PHACTR1: variants seen among roughly 807,000 people sequenced by gnomAD.
PHACTR1 encodes RPEL repeat containing 1.
Under a neutral mutation model 69.2 loss-of-function variants are expected in PHACTR1, and 16 were observed. The ratio of observed to expected loss-of-function variants is 0.23; its 90% CI spans 0.16 to 0.35. The LOEUF (loss-of-function observed/expected upper bound fraction) is 0.35. Ranked by LOEUF, PHACTR1 falls within the 10% of genes least tolerant of loss-of-function variation. PHACTR1 has a pLI of 1.00. For synonymous variants in PHACTR1, 312 were observed against 284.5 expected, an observed-to-expected ratio of 1.10 and a Z score of -0.97; for missense variants, 510 against 734.7, an observed-to-expected ratio of 0.69 and a Z score of 3.54.
intron 10 of PHACTR1, among the ~76,000 whole-genome samples, chr6:13,232,936 G>T (rs1771452380): frequency 6.6e-6 from 1 of 152,202 alleles, no homozygotes; most frequent in Non-Finnish European, 1.5e-5. Context: ...TATGTGAGGG[G>T]CAAATGAAGA....
chr6:12,787,478 A>G (rs1314871022), intron 4 of PHACTR1, among the ~76,000 whole-genome samples: 1 of 152,196 alleles, frequency 6.6e-6, no homozygotes, highest in East Asian at 1.9e-4. Context: ...AGATTGGAAA[A>G]GTTCTGATGT....
chr6:13,255,346 T>G (rs1469950299), intron 10 of PHACTR1, among the ~76,000 whole-genome samples: 1 of 152,208 alleles, frequency 6.6e-6, no homozygotes, highest in Admixed American at 6.5e-5. Flanking sequence ...CACTGGGTAT[T>G]ACAATTGAAC....
chr6:13,241,968 G>A (rs1198668241), intron 10 of PHACTR1, among the ~76,000 whole-genome samples: 1 of 150,674 alleles, frequency 6.6e-6, no homozygotes, highest in Non-Finnish European at 1.5e-5. Flanking sequence ...AGGAGATGGA[G>A]GTTGCAATGA....
chr6:12,755,113 G>A (rs1250905827), intron 4 of PHACTR1, among the ~76,000 whole-genome samples: 1 of 152,154 alleles, frequency 6.6e-6, no homozygotes, highest in African/African-American at 2.4e-5. Flanking sequence ...TCTTTGGTCT[G>A]AGCATCATTA....
At chr6:12,998,609 TG>T in intron 4 of PHACTR1, among the ~76,000 whole-genome samples, 1 of 100,116 alleles carries the variant, frequency 1.0e-5, no homozygotes, top group South Asian at 3.2e-4. Context: ...CAGCAAGACC[TG>T]GTCAAAAAAA....
intron 4 of PHACTR1, among the ~76,000 whole-genome samples, chr6:12,934,449 T>G (rs924976249): frequency 6.6e-6 from 1 of 152,166 alleles, no homozygotes; most frequent in Non-Finnish European, 1.5e-5. Context: ...ACTCCATGGC[T>G]CTGGAGTGAT....
At chr6:12,936,925 T>C (rs867807686) in intron 4 of PHACTR1, among the ~76,000 whole-genome samples, 1 of 152,190 alleles carries the variant, frequency 6.6e-6, no homozygotes, top group African/African-American at 2.4e-5. Context: ...TTTTTTCTCA[T>C]TGACTATTTT....
At chr6:13,113,157 T>C (rs1025589227) in intron 5 of PHACTR1, among the ~76,000 whole-genome samples, 1 of 152,106 alleles carries the variant, frequency 6.6e-6, no homozygotes, top group Non-Finnish European at 1.5e-5. Context: ...GCTATGATCA[T>C]GTCACTGCAC....
rs567870561 is a variant in PHACTR1 at position 13,024,939 on chromosome 6, C to T, written c.251-28426C>T. Among the ~76,000 whole-genome samples, 7 of 152,226 alleles carry T rather than the reference C, an allele frequency of 4.6e-5. No individual in the cohort carries two copies. The East Asian group carries it at 1.4e-3, about 29-fold the overall frequency. ...CCTGAAAAGTGTAGTAGTCATTGGG[C>T]TGCATGCCTAGGTTAATTTTTTTAG... On this transcript the variant is annotated intron_variant, in intron 4 of 14. Transcript: ENST00000332995.
chr6:12,803,887 C>T (rs1324656757), intron 4 of PHACTR1, among the ~76,000 whole-genome samples: 1 of 152,162 alleles, frequency 6.6e-6, no homozygotes, highest in Non-Finnish European at 1.5e-5. Flanking sequence ...CCCTCAACCC[C>T]ACCCCATTTG....
chr6:12,850,950 G>T (rs941338455), intron 4 of PHACTR1, among the ~76,000 whole-genome samples: 2 of 152,104 alleles, frequency 1.3e-5, no homozygotes, highest in African/African-American at 4.8e-5. Context: ...CCAAGGTACG[G>T]GAATTCAGGA....
At chr6:13,009,507 C>A (rs1032556688) in intron 4 of PHACTR1, among the ~76,000 whole-genome samples, 2 of 152,126 alleles carry the variant, frequency 1.3e-5, no homozygotes, top group South Asian at 4.1e-4. Flanking sequence ...TCTACTGTAT[C>A]TTTCTCCGTA....
At chr6:13,279,928 A>G (rs959014059) in intron 12 of PHACTR1, 1 of 63,566 alleles carries the variant, frequency 1.6e-5, no homozygotes, top group Non-Finnish European at 4.4e-5. Context: ...AGGTCTAGAC[A>G]CTTAGAAAAA....
Position 13,230,046 on chromosome 6 carries a change from C to A in PHACTR1, c.1244C>A (p.Ala415Asp). 1 of 1,609,092 alleles carries A rather than the reference C, an allele frequency of 6.2e-7. No homozygotes were observed. Among genetic ancestry groups the A allele is most frequent in the Admixed American group, 1.7e-5 (1 of 59,438 alleles). ...DDSSLYTSSL[A>D]MKVCRKDSLA... is the part of the protein sequence containing the mutation. ...TTTCTGTCTCCTACAGGCTCCCTGGCCATGAAGGTCTGCAGGAAGGACTCC... is the reference window on the plus strand; with the variant it reads ...TTTCTGTCTCCTACAGGCTCCCTGGACATGAAGGTCTGCAGGAAGGACTCC... The change falls in exon 10 of 15, where the codon GCC (alanine) becomes GAC (aspartate). Residue 415 changes from alanine (A) to aspartate (D), a missense_variant. By Grantham distance (126) the Ala-to-Asp change is moderately radical. Around this residue, in one of 2 missense-constraint regions of PHACTR1, gnomAD observed 419 missense variants for 530.9 expected, o/e 0.79. Transcript: ENST00000332995.
chr6:12,913,097 T>C (rs756841041), intron 4 of PHACTR1, among the ~76,000 whole-genome samples: 5 of 152,204 alleles, frequency 3.3e-5, no homozygotes, highest in Admixed American at 6.5e-5. Flanking sequence ...AGAAACCAAG[T>C]TTCCTACAGA....
intron 4 of PHACTR1, among the ~76,000 whole-genome samples, chr6:12,822,876 A>G (rs1338841172): frequency 2.6e-5 from 4 of 152,322 alleles, no homozygotes; most frequent in Non-Finnish European, 2.9e-5. Context: ...GAAAGTTTGC[A>G]AGAGAGGTTA....
intron 4 of PHACTR1, among the ~76,000 whole-genome samples, chr6:12,968,539 A>T (rs914635753): frequency 6.6e-6 from 1 of 152,194 alleles, no homozygotes; most frequent in Non-Finnish European, 1.5e-5. Context: ...TGCCCGTTAA[A>T]CAATAACTTT....
At chr6:13,240,050 T>TAAAA (rs112143131) in intron 10 of PHACTR1, among the ~76,000 whole-genome samples, 6 of 145,352 alleles carry the variant, frequency 4.1e-5, no homozygotes, top group African/African-American at 1.5e-4. Context: ...AAAGTTTCTT[T>TAAAA]AAAAAAAAAA....
At chr6:12,939,848 T>A (rs1360388656) in intron 4 of PHACTR1, among the ~76,000 whole-genome samples, 1 of 152,204 alleles carries the variant, frequency 6.6e-6, no homozygotes, top group African/African-American at 2.4e-5. Flanking sequence ...CCAGCAAATG[T>A]ACTGAATTAA....
Sources: gnomAD v4.1 joint callset for allele counts (sites outside exome capture counted in the v4.1 genomes callset) on GRCh38, gnomAD v4.1.1 for gene constraint, gnomAD v4.1.1 regional missense constraint, MANE v1.5 for transcripts, NCBI Gene and HGNC (gene_info 2026-07-23, HGNC 2026-07-21) for gene names.